The following CMTM6 variants were observed in gnomAD, a reference collection of about 807,000 sequenced individuals.
CMTM6 encodes CKLF-like MARVEL transmembrane domain-containing protein 6.
CMTM6 carries 5 observed loss-of-function variants against 13.6 expected under a neutral mutation model. That is an observed-to-expected ratio of 0.37 (90% confidence interval 0.19 to 0.77). The LOEUF is 0.77. Among genes scored for constraint, CMTM6 ranks in the 30% least tolerant of loss-of-function variants. The pLI is 0.50. For synonymous variants in CMTM6, 99 were observed against 84.5 expected, an observed-to-expected ratio of 1.17 and a Z score of -0.94; for missense variants, 196 against 218.6, an observed-to-expected ratio of 0.90 and a Z score of 0.65.
At chr3:32,490,407 T>G (rs1475257737) in intron 2 of CMTM6, among the ~76,000 whole-genome samples, 1 of 152,164 alleles carries the variant, frequency 6.6e-6, no homozygotes, top group East Asian at 1.9e-4. Context: ...CAAACAAACA[T>G]GAAATCCTTA....
intron 1 of CMTM6, among the ~76,000 whole-genome samples, chr3:32,493,349 TA>T (rs1697265003): frequency 6.6e-6 from 1 of 152,254 alleles, no homozygotes; most frequent in African/African-American, 2.4e-5. Flanking sequence ...AAGTGGGTTT[TA>T]ACTACTTCCA....
intron 2 of CMTM6, among the ~76,000 whole-genome samples, chr3:32,489,106 A>C (rs1697229270): frequency 6.6e-6 from 1 of 151,416 alleles, no homozygotes; most frequent in Non-Finnish European, 1.5e-5. Flanking sequence ...GTCTCTACTA[A>C]AAATACAAAA....
At chr3:32,493,153 G>A (rs1352687701) in intron 1 of CMTM6, among the ~76,000 whole-genome samples, 1 of 152,222 alleles carries the variant, frequency 6.6e-6, no homozygotes, top group Non-Finnish European at 1.5e-5. Context: ...GGCCATAAAA[G>A]TATAGTTAGC....
chr3:32,487,801 T>G (rs951824759), intron 3 of CMTM6, 137 bp downstream of exon 3: 2 of 561,400 alleles, frequency 3.6e-6, no homozygotes, highest in Admixed American at 6.4e-5. Flanking sequence ...CTTGTAGGTC[T>G]TCTATTCAAA....
intron 2 of CMTM6, among the ~76,000 whole-genome samples, chr3:32,490,735 TAAA>T (rs951277666): frequency 6.6e-6 from 1 of 152,160 alleles, no homozygotes; most frequent in Non-Finnish European, 1.5e-5. Context: ...AGCATTAAAA[TAAA>T]AACTAAACAT....
rs115224882 is a variant in CMTM6, at chr3:32,488,868, T to C, written c.316-832A>G. 4.3e-3 allele frequency among the ~76,000 whole-genome samples: 653 copies of C among 152,302 alleles called. 6 individuals are homozygous for C. Among genetic ancestry groups the C allele is most frequent in the African/African-American group, 0.015 (627 of 41,570 alleles). On this transcript the variant is annotated intron_variant, in intron 2 of 3. Coordinates refer to ENST00000205636, the MANE Select transcript of CMTM6 (RefSeq NM_017801.3). Reference sequence around the variant, plus strand: ...GCCAACTGAAAACAGTAATGACATATATACTTGATTCAGAAAGGGAAACTT... The same window carrying C: ...GCCAACTGAAAACAGTAATGACATACATACTTGATTCAGAAAGGGAAACTT...
intron 1 of CMTM6, among the ~76,000 whole-genome samples, chr3:32,493,393 C>T (rs1315865232): frequency 6.6e-6 from 1 of 152,120 alleles, no homozygotes; most frequent in South Asian, 2.1e-4. Context: ...CATACTGGTC[C>T]TCACTGAAAA....
Position 32,484,009 on chromosome 3 carries a change from G to C in CMTM6, c.503C>G (p.Pro168Arg). The C allele has an allele frequency of 1.2e-6, 2 of 1,611,658 alleles. No homozygotes were observed. The highest frequency in any genetic ancestry group is 1.7e-6 in the Non-Finnish European group (2 of 1,179,302). Reference sequence around the variant, plus strand: ...GGCTTCAGCCCTAGTGGTATTTTCAGGTTTTCTCAGCTGGGACTCCTGTCG... The same window carrying C: ...GGCTTCAGCCCTAGTGGTATTTTCACGTTTTCTCAGCTGGGACTCCTGTCG... ...EKRQESQLRK[P>R]ENTTRAEALT... The change falls in exon 4 of 4, where the codon CCT becomes CGT. Residue 168 changes from proline (P) to arginine (R), a missense_variant. By Grantham distance (103) the Pro-to-Arg change is moderately radical. Coordinates refer to ENST00000205636, the MANE Select transcript of CMTM6 (RefSeq NM_017801.3).
In CMTM6 at chr3:32,501,188, CAAAAAA is replaced by C. The variant is rs545695553; in HGVS notation, c.138+1414_138+1419del. ...TTGGCGATAGAGCAAGACTCGGTCT[CAAAAAA>C]AAAAAAAAAAAAAGCTTCAGATGAA... On this transcript the variant is annotated intron_variant, in intron 1 of 3. Transcript: ENST00000205636. Among the ~76,000 whole-genome samples, 3 of 58,412 alleles carry C rather than the reference CAAAAAA, an allele frequency of 5.1e-5. No homozygotes were observed. In the South Asian group the frequency reaches 1.7e-3, roughly 33 times the overall value. The allele number at this position is 58,412 out of a possible 152,430, so 38.3% of individuals were successfully genotyped here.
At chr3:32,494,405 T>C (rs1009982368) in intron 1 of CMTM6, among the ~76,000 whole-genome samples, 1 of 152,208 alleles carries the variant, frequency 6.6e-6, no homozygotes, top group Admixed American at 6.5e-5. Flanking sequence ...ATAGTAATAG[T>C]AAATATCTTA....
Position 32,483,942 on chromosome 3 carries a change from A to G in CMTM6, c.*18T>C. ...ATGCAGGGTCACTACCTTAGGTAAC[A>G]TCTGCTCCCCAGAGTCTTTAGGCAT... On this transcript the variant is annotated 3_prime_UTR_variant, in exon 4 of 4. Coordinates refer to ENST00000205636, the MANE Select transcript of CMTM6 (RefSeq NM_017801.3). The G allele has an allele frequency of 6.3e-7, 1 of 1,575,684 alleles. No individual in the cohort carries two copies. The highest frequency in any genetic ancestry group is 8.6e-7 in the Non-Finnish European group (1 of 1,166,282).
chr3:32,489,131 G>C (rs911697801), intron 2 of CMTM6, among the ~76,000 whole-genome samples: 3 of 151,866 alleles, frequency 2.0e-5, no homozygotes, highest in East Asian at 1.9e-4. Flanking sequence ...TTAGCTGGGC[G>C]TGGTGGTGGG....
At position 32,483,953 on chromosome 3, in the gene CMTM6, A is replaced by G. The variant is rs982767648; in HGVS notation, c.*7T>C. On this transcript the variant is annotated 3_prime_UTR_variant, in exon 4 of 4. Coordinates refer to ENST00000205636, the MANE Select transcript of CMTM6 (RefSeq NM_017801.3). ...CTACCTTAGGTAACATCTGCTCCCC[A>G]GAGTCTTTAGGCATTAAGTGGCTCA... 5.0e-6 allele frequency: 8 copies of G among 1,589,828 alleles called. No homozygotes were observed. Among genetic ancestry groups the G allele is most frequent in the Middle Eastern group, 3.3e-4 (2 of 5,974 alleles).
rs1559423241 is a variant in CMTM6, at chr3:32,483,938, T to G, written c.*22A>C. The G allele has an allele frequency of 6.4e-7, 1 of 1,568,496 alleles. No homozygotes were observed. The highest frequency in any genetic ancestry group is 8.6e-7 in the Non-Finnish European group (1 of 1,163,114). ...CACAATGCAGGGTCACTACCTTAGG[T>G]AACATCTGCTCCCCAGAGTCTTTAG... On this transcript the variant is annotated 3_prime_UTR_variant, in exon 4 of 4. Coordinates refer to ENST00000205636, the MANE Select transcript of CMTM6 (RefSeq NM_017801.3).
At chr3:32,488,537 T>C (rs1697224688) in intron 2 of CMTM6, among the ~76,000 whole-genome samples, 1 of 152,210 alleles carries the variant, frequency 6.6e-6, no homozygotes, top group Non-Finnish European at 1.5e-5. Context: ...CAAAGTATTT[T>C]ATGGTAGGAT....
Position 32,502,641 on chromosome 3 carries a change from T to C in CMTM6, c.105A>G (p.Pro35=), listed in dbSNP as rs368361590. Residue 35 remains proline (P), a synonymous_variant, in exon 1 of 4, where the codon CCA becomes CCG. Coordinates refer to ENST00000205636, the MANE Select transcript of CMTM6 (RefSeq NM_017801.3). The part of the protein sequence containing the change: ...LAAYFFMGRL[P]LLRRVLKGLQ... The stretch of plus-strand genomic sequence containing the variant: ...AGCCCTTGAGAACGCGCCGGAGCAA[T>C]GGGAGCCGGCCCATGAAAAAGTAGG... 3 of 1,596,352 alleles carry C rather than the reference T, an allele frequency of 1.9e-6. No homozygotes were observed. The highest frequency in any genetic ancestry group is 1.1e-5 in the South Asian group (1 of 88,394).
chr3:32,497,580 C>T (rs1339249367), intron 1 of CMTM6, among the ~76,000 whole-genome samples: 1 of 148,526 alleles, frequency 6.7e-6, no homozygotes, highest in Non-Finnish European at 1.5e-5. Flanking sequence ...TAAAAGTTGG[C>T]CGGGCGCGGT....
intron 1 of CMTM6, among the ~76,000 whole-genome samples, chr3:32,492,371 A>G (rs1193730180): frequency 6.6e-6 from 1 of 152,254 alleles, no homozygotes; most frequent in Non-Finnish European, 1.5e-5. Flanking sequence ...AAGTGAGTCA[A>G]ATCAACATGG....
intron 1 of CMTM6, 31 bp from the exon 2 acceptor site, chr3:32,491,917 T>C: frequency 1.3e-6 from 2 of 1,557,522 alleles, no homozygotes; most frequent in South Asian, 2.4e-5. Context: ...TTTACTTAAG[T>C]GTTTTTTCAG....
Sources: gnomAD v4.1 joint callset for allele counts (sites outside exome capture counted in the v4.1 genomes callset) on GRCh38, gnomAD v4.1.1 for gene constraint, MANE v1.5 for transcripts, NCBI Gene and HGNC (gene_info 2026-07-23, HGNC 2026-07-21) for gene names.